MSRB3: variants seen among roughly 807,000 people sequenced by gnomAD.
The protein encoded by MSRB3 is methionine-R-sulfoxide reductase B3.
A neutral mutation model predicts 21.0 loss-of-function variants in MSRB3; 13 were observed. That is an observed-to-expected ratio of 0.62 (90% CI 0.40 to 0.98). The LOEUF (loss-of-function observed/expected upper bound fraction) is 0.98. Ranked by LOEUF, MSRB3 falls within the 50% of genes least tolerant of loss-of-function variation. The pLI is 0.00. For missense variants in MSRB3, 199 were observed against 230.3 expected (o/e 0.86, Z 0.88); for synonymous variants, 87 against 88.6 (o/e 0.98, Z 0.10).
intron 2 of MSRB3, among the ~76,000 whole-genome samples, chr12:65,324,728 A>T (rs1350089537): frequency 6.6e-6 from 1 of 152,122 alleles, no homozygotes; most frequent in African/African-American, 2.4e-5. Context: ...TTTTATGAAC[A>T]CTCCTTAGTA....
intron 5 of MSRB3, among the ~76,000 whole-genome samples, chr12:65,431,337 C>T (rs989151391): frequency 1.3e-5 from 2 of 151,964 alleles, no homozygotes; most frequent in African/African-American, 4.8e-5. Context: ...TTAACCTCCT[C>T]CTGTCATGAC....
At chr12:65,348,584 C>T (rs1410126588) in intron 4 of MSRB3, among the ~76,000 whole-genome samples, 3 of 152,054 alleles carry the variant, frequency 2.0e-5, no homozygotes, top group South Asian at 2.1e-4. Context: ...GTCTCTATTT[C>T]CTTCAGTTCT....
chr12:65,287,216 G>T (rs1279637708), intron 1 of MSRB3, among the ~76,000 whole-genome samples: 1 of 147,610 alleles, frequency 6.8e-6, no homozygotes, highest in Non-Finnish European at 1.5e-5. Context: ...TTGACCTCCT[G>T]GGCTCAAGTG....
chr12:65,435,999 A>T (rs1241026037), intron 5 of MSRB3, among the ~76,000 whole-genome samples: 1 of 151,848 alleles, frequency 6.6e-6, no homozygotes, highest in Non-Finnish European at 1.5e-5. Flanking sequence ...AAATGATTAT[A>T]TTCTAGGAAA....
chr12:65,292,436 G>GTCATCGTCATCA (rs1872717222), intron 1 of MSRB3, among the ~76,000 whole-genome samples: 1 of 140,138 alleles, frequency 7.1e-6, no homozygotes, highest in East Asian at 1.9e-4. Context: ...CGTTGTCATT[G>GTCATCGTCATCA]TCATCGTCAT....
At chr12:65,291,042 A>G (rs1246360170) in intron 1 of MSRB3, among the ~76,000 whole-genome samples, 1 of 151,990 alleles carries the variant, frequency 6.6e-6, no homozygotes, top group Non-Finnish European at 1.5e-5. Context: ...ATTTTTTCCT[A>G]AGGTAGCTAG....
intron 1 of MSRB3, among the ~76,000 whole-genome samples, chr12:65,299,253 A>C (rs1439349780): frequency 1.3e-5 from 2 of 152,216 alleles, no homozygotes; most frequent in Non-Finnish European, 2.9e-5. Flanking sequence ...TCTGTTTACC[A>C]TTGTTAGACT....
At chr12:65,396,141 A>T (rs1879766861) in intron 5 of MSRB3, among the ~76,000 whole-genome samples, 1 of 152,196 alleles carries the variant, frequency 6.6e-6, no homozygotes, top group South Asian at 2.1e-4. Flanking sequence ...ATTCAATGCT[A>T]TAATTTTCCT....
In MSRB3 at chr12:65,447,449, A is replaced by T. The variant is rs113421413; in HGVS notation, c.293-6279A>T. On this transcript the variant is annotated intron_variant, in intron 5 of 6. Transcript: ENST00000308259. ...AATATTCTCAGAAATATTTGAAAAG[A>T]TACTTTGTTTATAAAATAAGATGAT... Among the ~76,000 whole-genome samples the T allele has an allele frequency of 3.2e-3, 489 of 152,348 alleles. 4 individuals are homozygous for T. The highest frequency in any genetic ancestry group is 0.011 in the African/African-American group (458 of 41,590).
At chr12:65,396,691 CAAAAA>C (rs747120558) in intron 5 of MSRB3, among the ~76,000 whole-genome samples, 303 of 23,136 alleles carry the variant, frequency 0.013, 2 homozygotes, top group Middle Eastern at 0.094. Context: ...AACTCCATCT[CAAAAA>C]AAAAAAAAAA....
intron 5 of MSRB3, among the ~76,000 whole-genome samples, chr12:65,392,971 A>T (rs1223209820): frequency 1.3e-5 from 2 of 152,158 alleles, no homozygotes; most frequent in African/African-American, 2.4e-5. Context: ...ATATTTGAGG[A>T]TTACAAAGTT....
Position 65,326,951 on chromosome 12 carries a change from T to G in MSRB3, c.185+17T>G, listed in dbSNP as rs767116967. The G allele has an allele frequency of 2.2e-5, 35 of 1,587,526 alleles. 1 individual carries two copies. The Middle Eastern group carries it at 5.0e-4, about 23-fold the overall frequency. On this transcript the variant is annotated intron_variant, in intron 3 of 6. Transcript: ENST00000308259. ...GACCGAAAGGTAAGGTGAGCTTTAA[T>G]AAAAAGTCATTAAGAGCTAGATTTC...
intron 2 of MSRB3, among the ~76,000 whole-genome samples, chr12:65,318,991 A>G (rs369581484): frequency 1.3e-5 from 2 of 152,184 alleles, no homozygotes; most frequent in African/African-American, 4.8e-5. Context: ...TTTCATCAGG[A>G]TGAATGTAGT....
chr12:65,357,328 C>T (rs189684214), intron 4 of MSRB3, among the ~76,000 whole-genome samples: 123 of 151,944 alleles, frequency 8.1e-4, no homozygotes, highest in African/African-American at 2.5e-3. Flanking sequence ...CATCTTTATC[C>T]GCTTTGACCT....
chr12:65,394,751 T>G (rs1454845692), intron 5 of MSRB3, among the ~76,000 whole-genome samples: 1 of 152,222 alleles, frequency 6.6e-6, no homozygotes, highest in Non-Finnish European at 1.5e-5. Flanking sequence ...TGATTTATCT[T>G]AGGAATGCAA....
intron 5 of MSRB3, among the ~76,000 whole-genome samples, chr12:65,422,458 G>A (rs1197680020): frequency 1.6e-5 from 2 of 121,984 alleles, no homozygotes; most frequent in Non-Finnish European, 3.3e-5. Context: ...GGGGTATATG[G>A]GATATTTTTA....
chr12:65,410,495 T>A (rs1202084514), intron 5 of MSRB3, among the ~76,000 whole-genome samples: 1 of 152,006 alleles, frequency 6.6e-6, no homozygotes, highest in Non-Finnish European at 1.5e-5. Context: ...ATACAAAAAA[T>A]TAGCTGAGTG....
chr12:65,413,092 T>C lies in MSRB3; in HGVS notation c.293-40636T>C, dbSNP rs76471754. The stretch of plus-strand genomic sequence containing the variant: ...AGACACAGAGCCAAACCATATCAGT[T>C]GTTCTTAAGAAATCCTACACTCACC... On this transcript the variant is annotated intron_variant, in intron 5 of 6. Coordinates refer to ENST00000308259, the MANE Select transcript of MSRB3 (RefSeq NM_001031679.3). Among the ~76,000 whole-genome samples the C allele has an allele frequency of 6.0e-3, 914 of 152,292 alleles. 17 individuals are homozygous for C. The highest frequency in any genetic ancestry group is 0.021 in the African/African-American group (883 of 41,560).
chr12:65,290,684 C>T (rs1172906525), intron 1 of MSRB3, among the ~76,000 whole-genome samples: 1 of 152,088 alleles, frequency 6.6e-6, no homozygotes, highest in East Asian at 1.9e-4. Context: ...GGAATTGATT[C>T]CCTTGATTTC....
Sources: allele counts gnomAD v4.1 joint callset (sites outside exome capture counted in the v4.1 genomes callset), GRCh38; gene constraint gnomAD v4.1.1; transcripts MANE v1.5; gene names NCBI Gene and HGNC (gene_info 2026-07-23, HGNC 2026-07-21).